Variants in SAMSN1 observed in about 807,000 individuals in gnomAD.
SAMSN1 encodes SAM domain, SH3 domain and nuclear localization signals 1.
Under a neutral mutation model 42.0 loss-of-function variants are expected in SAMSN1, and 31 were observed. The observed-to-expected ratio is 0.74, with a 90% confidence interval of 0.55 to 1.00. The LOEUF (loss-of-function observed/expected upper bound fraction) is 1.00. Ranked by LOEUF, SAMSN1 falls within the 50% of genes least tolerant of loss-of-function variation. SAMSN1 has a pLI of 0.00. For missense variants in SAMSN1, 464 were observed against 439.4 expected, an observed-to-expected ratio of 1.06 and a Z score of -0.50; for synonymous variants, 178 against 151.9, an observed-to-expected ratio of 1.17 and a Z score of -1.26.
At chr21:14,504,075 C>T (rs1987294884) in intron 5 of SAMSN1, among the ~76,000 whole-genome samples, 1 of 152,156 alleles carries the variant, frequency 6.6e-6, no homozygotes, top group African/African-American at 2.4e-5. Context: ...ATCAAGGGAA[C>T]ACCCCATGGG....
intron 2 of SAMSN1, among the ~76,000 whole-genome samples, chr21:14,572,833 T>C (rs1981342457): frequency 6.6e-6 from 1 of 152,174 alleles, no homozygotes; most frequent in Non-Finnish European, 1.5e-5. Flanking sequence ...TAGCCTAGTC[T>C]CAAAAATTAC....
At chr21:14,614,032 A>C (rs746102850) in intron 3 of SAMSN1, among the ~76,000 whole-genome samples, 1 of 152,142 alleles carries the variant, frequency 6.6e-6, no homozygotes, top group Non-Finnish European at 1.5e-5. Flanking sequence ...AAGAGACCTG[A>C]ACTGAATCCA....
intron 2 of SAMSN1, among the ~76,000 whole-genome samples, chr21:14,623,695 C>T (rs888935359): frequency 2.0e-5 from 3 of 152,164 alleles, no homozygotes; most frequent in Admixed American, 2.0e-4. Context: ...TAACACCTCA[C>T]TGTCAACATT....
At chr21:14,526,231 G>T (rs1978847484) in intron 1 of SAMSN1, among the ~76,000 whole-genome samples, 1 of 152,154 alleles carries the variant, frequency 6.6e-6, no homozygotes, top group Non-Finnish European at 1.5e-5. Context: ...TTTAGGTCAT[G>T]GTTGTTTGGA....
chr21:14,563,526 G>A (rs1981012234), intron 2 of SAMSN1, among the ~76,000 whole-genome samples: 1 of 152,130 alleles, frequency 6.6e-6, no homozygotes, highest in South Asian at 2.1e-4. Context: ...TCAAAAAAGA[G>A]CTGGAGAAGC....
chr21:14,533,657 A>G (rs1979408203), intron 1 of SAMSN1, among the ~76,000 whole-genome samples: 1 of 152,210 alleles, frequency 6.6e-6, no homozygotes, highest in African/African-American at 2.4e-5. Flanking sequence ...AACTGATAAG[A>G]TATCAAAAAT....
At chr21:14,515,300 T>A (rs1987862825) in intron 3 of SAMSN1, among the ~76,000 whole-genome samples, 1 of 151,854 alleles carries the variant, frequency 6.6e-6, no homozygotes, top group East Asian at 1.9e-4. Flanking sequence ...GAATTGGGAG[T>A]CCATAAGTAA....
Position 14,621,010 on chromosome 21 carries a change from A to C in SAMSN1, c.157-4994T>G, listed in dbSNP as rs369618897. ...AATATTAAAATACAGTGATTCCAAA[A>C]ATGCCACACGCAAACTGAATAAGTA... is the stretch of plus-strand genomic sequence containing the variant. On this transcript the variant is annotated intron_variant, in intron 2 of 15. Coordinates refer to the SAMSN1 transcript ENST00000647101. Among the ~76,000 whole-genome samples the C allele has an allele frequency of 1.5e-3, 232 of 152,350 alleles. 7 individuals carry two copies. Among genetic ancestry groups the C allele is most frequent in the South Asian group, 0.015 (71 of 4,830 alleles).
chr21:14,648,360 C>A (rs1452346663), intron 1 of SAMSN1, among the ~76,000 whole-genome samples: 1 of 152,112 alleles, frequency 6.6e-6, no homozygotes, highest in African/African-American at 2.4e-5. Context: ...TAGGCATGGG[C>A]AAGGACTTCA....
intron 2 of SAMSN1, among the ~76,000 whole-genome samples, chr21:14,571,600 A>G (rs79485872): frequency 0.039 from 5,921 of 152,284 alleles, 157 homozygotes; most frequent in African/African-American, 0.069. Context: ...GTTATGACTG[A>G]GCGATATATT....
chr21:14,539,880 C>A (rs920951674), intron 1 of SAMSN1, among the ~76,000 whole-genome samples: 2 of 152,172 alleles, frequency 1.3e-5, no homozygotes, highest in Non-Finnish European at 2.9e-5. Context: ...ATCACGCTAC[C>A]TGACTTCAAA....
At chr21:14,589,887 A>G (rs1270436318) in intron 7 of SAMSN1, among the ~76,000 whole-genome samples, 6 of 152,200 alleles carry the variant, frequency 3.9e-5, no homozygotes, top group Non-Finnish European at 5.9e-5. Context: ...ACAAATCCTA[A>G]TAACCTGATG....
chr21:14,529,566 C>G (rs1346068613), intron 1 of SAMSN1, among the ~76,000 whole-genome samples: 1 of 152,138 alleles, frequency 6.6e-6, no homozygotes, highest in Non-Finnish European at 1.5e-5. Context: ...CAACTTAGTA[C>G]TCAGAGTAAG....
chr21:14,517,664 G>T (rs1430000976), intron 2 of SAMSN1, among the ~76,000 whole-genome samples: 1 of 152,022 alleles, frequency 6.6e-6, no homozygotes, highest in Non-Finnish European at 1.5e-5. Context: ...TAATTCACAT[G>T]CTATATTAAT....
chr21:14,632,283 G>C (rs1983350987), intron 2 of SAMSN1, among the ~76,000 whole-genome samples: 1 of 151,944 alleles, frequency 6.6e-6, no homozygotes, highest in Non-Finnish European at 1.5e-5. Context: ...TGTGTTTTGA[G>C]TTCCCAATAA....
intron 6 of SAMSN1, chr21:14,594,745 T>G (rs1982205881): frequency 6.6e-6 from 1 of 152,166 alleles, no homozygotes; most frequent in Non-Finnish European, 1.5e-5. Flanking sequence ...TAACAGGTAA[T>G]AAAATGGTGC....
chr21:14,609,368 A>T (rs1420762770), intron 5 of SAMSN1: 4 of 652,932 alleles, frequency 6.1e-6, no homozygotes, highest in Non-Finnish European at 1.1e-5. Flanking sequence ...TTCCTTTTTA[A>T]GTAGACCATA....
chr21:14,570,517 C>T (rs767563451), intron 2 of SAMSN1, among the ~76,000 whole-genome samples: 1 of 152,144 alleles, frequency 6.6e-6, no homozygotes, highest in Non-Finnish European at 1.5e-5. Context: ...AATGTGCAGT[C>T]GTGTCATTGT....
At chr21:14,512,642 G>T (rs1987738500) in intron 3 of SAMSN1, 69 bp from the exon 4 acceptor site, 5 of 1,391,544 alleles carry the variant, frequency 3.6e-6, no homozygotes, top group Non-Finnish European at 5.0e-6. Flanking sequence ...TGAGTACATT[G>T]ATTTAATAGA....
Sources: gnomAD v4.1 joint callset for allele counts (sites outside exome capture counted in the v4.1 genomes callset) on GRCh38, gnomAD v4.1.1 for gene constraint, MANE v1.5 for transcripts, NCBI Gene and HGNC (gene_info 2026-07-23, HGNC 2026-07-21) for gene names.